Variants in PDIA6 observed in about 807,000 individuals in gnomAD.
PDIA6 encodes protein disulfide-isomerase A6.
In PDIA6, 29 loss-of-function variants were observed where a neutral mutation model predicts 58.4. The observed-to-expected ratio is 0.50, with a 90% confidence interval of 0.37 to 0.68. The LOEUF (loss-of-function observed/expected upper bound fraction) is 0.68. PDIA6 is among the 30% of genes least tolerant of loss of function. The pLI, the probability that PDIA6 is intolerant of heterozygous loss-of-function variation, is 0.00. For synonymous variants in PDIA6, 192 were observed against 202.6 expected, an observed-to-expected ratio of 0.95 and a Z score of 0.44; for missense variants, 480 against 551.0, an observed-to-expected ratio of 0.87 and a Z score of 1.29.
At chr2:10,835,014 T>C (rs1354262601), upstream of PDIA6, among the ~76,000 whole-genome samples, 4 of 152,090 alleles carry the variant, frequency 2.6e-5, no homozygotes, top group Non-Finnish European at 4.4e-5. Context: ...GCGATCCACC[T>C]GCCTCAGCCT....
intron 1 of PDIA6, among the ~76,000 whole-genome samples, chr2:10,805,802 T>C (rs1294046519): frequency 1.1e-5 from 1 of 92,868 alleles, no homozygotes; most frequent in Admixed American, 1.2e-4. Context: ...CAGTAAACTA[T>C]TGCAAGAACA....
intron 1 of PDIA6, among the ~76,000 whole-genome samples, chr2:10,827,359 A>T (rs1686488): frequency 1.3e-5 from 2 of 151,880 alleles, no homozygotes; most frequent in African/African-American, 4.8e-5. Flanking sequence ...CACCGCACCC[A>T]GCCTTATTTA....
At chr2:10,796,413 C>T (rs1666270228) in intron 4 of PDIA6, among the ~76,000 whole-genome samples, 1 of 151,444 alleles carries the variant, frequency 6.6e-6, no homozygotes, top group South Asian at 2.1e-4. Flanking sequence ...GCCTGTAATC[C>T]CAGCTACTTG....
intron 2 of PDIA6, among the ~76,000 whole-genome samples, chr2:10,800,780 CTTTTT>C (rs1666477223): frequency 6.6e-6 from 1 of 151,810 alleles, no homozygotes; most frequent in South Asian, 2.1e-4. Context: ...TGTTTCTTTT[CTTTTT>C]ATTTTCGTAG....
chr2:10,786,715 A>G (rs1665778041), intron 11 of PDIA6, among the ~76,000 whole-genome samples: 1 of 152,234 alleles, frequency 6.6e-6, no homozygotes, highest in Non-Finnish European at 1.5e-5. Context: ...AGAATGGGAA[A>G]TAAAACCTCT....
rs954328649 is a variant in PDIA6 at position 10,788,812 on chromosome 2, A to G, written c.926-43T>C. ...AGTTTTTTAAAGGTAAAGATAAAGG[A>G]GTCCATAAAATTAATCCATTTAGAA... On this transcript the variant is annotated intron_variant, in intron 9 of 12. Transcript: ENST00000272227. 2.6e-6 allele frequency: 4 copies of G among 1,561,578 alleles called. No homozygotes were observed. The African/African-American group carries it at 4.1e-5, about 16-fold the overall frequency.
chr2:10,808,161 T>C (rs1440687174), intron 1 of PDIA6, among the ~76,000 whole-genome samples: 1 of 152,238 alleles, frequency 6.6e-6, no homozygotes, highest in African/African-American at 2.4e-5. Context: ...AAGAATAGAT[T>C]TATGCTTTCT....
chr2:10,820,919 C>G, intron 1 of PDIA6: 1 of 699,116 alleles, frequency 1.4e-6, no homozygotes, highest in East Asian at 2.7e-5. Flanking sequence ...AGTGAGCGTC[C>G]TAAGAGTCAG....
At position 10,802,559 on chromosome 2, in the gene PDIA6, T is replaced by C. The variant is rs200931417; in HGVS notation, c.101A>G (p.Asn34Ser). Residue 34 changes from asparagine to serine, a missense_variant, in exon 2 of 13, where the codon AAT (asparagine) becomes AGT (serine). Asn to Ser is a conservative substitution (Grantham distance 46, BLOSUM62 1). Transcript: ENST00000272227. ...ACTCTGAATAACTTCTCGGTTGAAA[T>C]TCGATGGAGTTAATTCGATCACATC... ...SDDVIELTPSNFNREVIQSDS... is the reference protein window; with the variant it reads ...SDDVIELTPSSFNREVIQSDS... 100 of 1,490,090 alleles carry C rather than the reference T, an allele frequency of 6.7e-5. No homozygotes were observed. Among genetic ancestry groups the C allele is most frequent in the Non-Finnish European group, 8.7e-5 (97 of 1,118,072 alleles). 92.3% of individuals were successfully genotyped at this position (1,490,090 alleles called of 1,614,324 possible). A position where few individuals can be genotyped will look rare whatever the true frequency, so the allele number is the denominator to read the frequency against.
intron 1 of PDIA6, among the ~76,000 whole-genome samples, chr2:10,825,598 G>T (rs574506502): frequency 6.6e-6 from 1 of 152,246 alleles, no homozygotes; most frequent in South Asian, 2.1e-4. Context: ...CTAGTATCTA[G>T]AATGTATAAG....
At chr2:10,803,926 T>TTTTTTTTTTTTTTG (rs1666624246) in intron 1 of PDIA6, among the ~76,000 whole-genome samples, 1 of 149,388 alleles carries the variant, frequency 6.7e-6, no homozygotes, top group Admixed American at 6.7e-5. Flanking sequence ...TTTTTTTTTT[T>TTTTTTTTTTTTTTG]GAGACAGAGT....
At chr2:10,816,821 T>C (rs1013888232), upstream of PDIA6, among the ~76,000 whole-genome samples, 3 of 152,282 alleles carry the variant, frequency 2.0e-5, no homozygotes, top group South Asian at 2.1e-4. Context: ...CATTCTGTTT[T>C]GTTGGGGGCG....
intron 1 of PDIA6, among the ~76,000 whole-genome samples, chr2:10,803,970 G>C (rs1352957946): frequency 6.9e-6 from 1 of 145,762 alleles, no homozygotes; most frequent in African/African-American, 2.5e-5. Context: ...GTGCATTGGC[G>C]CTATCTCGGC....
chr2:10,834,341 T>C (rs1667776750), upstream of PDIA6, among the ~76,000 whole-genome samples: 1 of 152,262 alleles, frequency 6.6e-6, no homozygotes. Flanking sequence ...AGACCCTCTC[T>C]GTGGAGAGGG....
intron 1 of PDIA6, among the ~76,000 whole-genome samples, chr2:10,820,219 C>T (rs1039236581): frequency 1.1e-4 from 16 of 152,076 alleles, no homozygotes; most frequent in Admixed American, 5.9e-4. Context: ...AAGGGGGTCC[C>T]GGAAAAATGG....
At chr2:10,813,632 A>C (rs1023340499), upstream of PDIA6, among the ~76,000 whole-genome samples, 1 of 143,662 alleles carries the variant, frequency 7.0e-6, no homozygotes, top group African/African-American at 2.7e-5. Context: ...GGCAAAAGTA[A>C]AAATTTTTTT....
chr2:10,830,104 G>A (rs1667669092), intron 1 of PDIA6, among the ~76,000 whole-genome samples: 1 of 152,152 alleles, frequency 6.6e-6, no homozygotes, highest in African/African-American at 2.4e-5. Flanking sequence ...CCCAGGCCCT[G>A]GGAGGTAGAG....
Position 10,796,977 on chromosome 2 carries a change from C to G in PDIA6, c.346+104G>C, listed in dbSNP as rs1666293192. Reference sequence around the variant, plus strand: ...GTACCATTTATAGATAATTCAGGTACAATGAGGTTGAGAACCTTGCAGGTA... The same window carrying G: ...GTACCATTTATAGATAATTCAGGTAGAATGAGGTTGAGAACCTTGCAGGTA... On this transcript the variant is annotated intron_variant, in intron 4 of 12. Coordinates refer to ENST00000272227, the MANE Select transcript of PDIA6 (RefSeq NM_005742.4). 4 of 905,970 alleles carry G rather than the reference C, an allele frequency of 4.4e-6. No homozygotes were observed. In the East Asian group the frequency reaches 7.2e-5, roughly 16 times the overall value. The allele number at this position is 905,970 out of a possible 1,614,324, so 56.1% of individuals were successfully genotyped here. A position where few individuals can be genotyped will look rare whatever the true frequency, so the allele number is the denominator to read the frequency against.
At chr2:10,834,113 A>C (rs1008289975), upstream of PDIA6, among the ~76,000 whole-genome samples, 5 of 152,248 alleles carry the variant, frequency 3.3e-5, no homozygotes, top group Admixed American at 2.6e-4. Context: ...CTACAGTGAG[A>C]GCAACGCAGA....
Sources: gnomAD v4.1 joint callset for allele counts (sites outside exome capture counted in the v4.1 genomes callset) on GRCh38, gnomAD v4.1.1 for gene constraint, MANE v1.5 for transcripts, NCBI Gene and HGNC (gene_info 2026-07-23, HGNC 2026-07-21) for gene names.